Variants in STX1A observed in about 807,000 individuals in gnomAD.
The protein encoded by STX1A is syntaxin 1A.
Under a neutral mutation model 37.8 loss-of-function variants are expected in STX1A, and 4 were observed. The observed-to-expected ratio is 0.11, with a 90% CI of 0.05 to 0.24. The LOEUF (loss-of-function observed/expected upper bound fraction) is 0.24, where lower values mean the gene tolerates loss of function less well. STX1A is among the 10% of genes least tolerant of loss of function. The pLI is 1.00. For synonymous variants in STX1A, 135 were observed against 147.4 expected (o/e 0.92, Z 0.61); for missense variants, 251 against 399.9 (o/e 0.63, Z 3.18).
At chr7:73,713,098 T>C (rs782309858) in intron 1 of STX1A, among the ~76,000 whole-genome samples, 18 of 152,200 alleles carry the variant, frequency 1.2e-4, no homozygotes, top group Non-Finnish European at 2.1e-4. Flanking sequence ...TGAAGGACCT[T>C]CTTCCTGTTT....
In STX1A at chr7:73,711,822, C is replaced by T. The variant is rs183597020; in HGVS notation, c.31-2700G>A. ...AGACGAGCGTCACTGCCAGCCCCAC[C>T]GAACCCCTGTCCTGCCCTCAGAGAC... On this transcript the variant is annotated intron_variant, in intron 1 of 9. Transcript: ENST00000222812. 1.1e-4 allele frequency among the ~76,000 whole-genome samples: 17 copies of T among 152,228 alleles called. No homozygotes were observed. In the East Asian group the frequency reaches 1.7e-3, roughly 16 times the overall value.
rs1228548258 is a variant in STX1A at position 73,706,749 on chromosome 7, C to T, written c.209-1525G>A. Among the ~76,000 whole-genome samples, 3 of 152,192 alleles carry T rather than the reference C, an allele frequency of 2.0e-5. No homozygotes were observed. The highest frequency in any genetic ancestry group is 2.1e-4 in the South Asian group (1 of 4,832). ...CCGTCCCCACCCCACAATCAGCCAC[C>T]TCCTGACCCTGAGCAGGAACAGCCC... On this transcript the variant is annotated intron_variant, in intron 3 of 9. Coordinates refer to ENST00000222812, the MANE Select transcript of STX1A (RefSeq NM_004603.4). This position sits in a 1 kb window ranked among gnomAD's most constrained non-coding sequence, Gnocchi z 4.6.
At position 73,702,352 on chromosome 7, in the gene STX1A, C is replaced by T. The variant is rs143578276; in HGVS notation, c.678+493G>A. Reference sequence around the variant, plus strand: ...CTTGTCAGAGAGGCACCTTCCTGGACCTTCACCTCAGCTGCCAGTCTCTGG... The same window carrying T: ...CTTGTCAGAGAGGCACCTTCCTGGATCTTCACCTCAGCTGCCAGTCTCTGG... On this transcript the variant is annotated intron_variant, in intron 8 of 9. Transcript: ENST00000222812. The surrounding 1 kb of genome is among the most constrained non-coding windows in gnomAD (Gnocchi z 4.7). 6.6e-6 allele frequency among the ~76,000 whole-genome samples: 1 copy of T among 152,296 alleles called. No homozygotes were observed. Among genetic ancestry groups the T allele is most frequent in the East Asian group, 1.9e-4 (1 of 5,160 alleles).
rs1554615803 is a variant in STX1A at position 73,700,948 on chromosome 7, G to A, written c.679-108C>T. 4.5e-6 allele frequency: 7 copies of A among 1,546,356 alleles called. No individual in the cohort carries two copies. Among genetic ancestry groups the A allele is most frequent in the Non-Finnish European group, 3.5e-6 (4 of 1,151,178 alleles). On this transcript the variant is annotated intron_variant, in intron 8 of 9. Transcript: ENST00000222812. This position sits in a 1 kb window ranked among gnomAD's most constrained non-coding sequence, Gnocchi z 4.4. ...ACCCTGAGGCTAGAGACAAAAAGGG[G>A]GCGTGAGGAGGTTAGGGTACAGCTT...
At chr7:73,703,393 C>T (rs1208201893) in intron 7 of STX1A, 3 of 578,822 alleles carry the variant, frequency 5.2e-6, no homozygotes, top group Non-Finnish European at 6.5e-6. Flanking sequence ...AAGCCTGCCT[C>T]GAACACCTGT....
Position 73,699,562 on chromosome 7 carries a change from G to A in STX1A, c.*845C>T, listed in dbSNP as rs782444465. ...ACACGTGACACCCACGTGGCACATC[G>A]ATGGGAGGATGGCAAGGGCAGGATG... On this transcript the variant is annotated 3_prime_UTR_variant, in exon 10 of 10. Coordinates refer to ENST00000222812, the MANE Select transcript of STX1A (RefSeq NM_004603.4). 1 of 152,682 alleles carries A rather than the reference G, an allele frequency of 6.5e-6. No homozygotes were observed. The highest frequency in any genetic ancestry group is 6.5e-5 in the Admixed American group (1 of 15,286). 9.5% of individuals were successfully genotyped at this position (152,682 alleles called of 1,614,324 possible). A position where few individuals can be genotyped will look rare whatever the true frequency, so the allele number is the denominator to read the frequency against.
At position 73,705,592 on chromosome 7, in the gene STX1A, G is replaced by T. The variant is rs924073191; in HGVS notation, c.209-368C>A. ...TGATGCTTGCTGGAGTTGAAGGGGT[G>T]GGGGGGCGGTGTGGGCTCACCTGGT... On this transcript the variant is annotated intron_variant, in intron 3 of 9. Transcript: ENST00000222812. The surrounding 1 kb of genome is among the most constrained non-coding windows in gnomAD (Gnocchi z 5.2). 10 of 274,836 alleles carry T rather than the reference G, an allele frequency of 3.6e-5. No individual in the cohort carries two copies. The highest frequency in any genetic ancestry group is 7.1e-5 in the Non-Finnish European group (10 of 140,104). 17.0% of individuals were successfully genotyped at this position (274,836 alleles called of 1,614,324 possible).
At chr7:73,704,721 G>A in intron 4 of STX1A, 1 of 534,886 alleles carries the variant, frequency 1.9e-6, no homozygotes, top group Admixed American at 3.1e-5. Flanking sequence ...GCTCAGAAAG[G>A]CTGTGTACGA....
chr7:73,702,671 C>A lies in STX1A; in HGVS notation c.678+174G>T. The A allele has an allele frequency of 1.4e-6, 2 of 1,479,952 alleles. No homozygotes were observed. The highest frequency in any genetic ancestry group is 1.8e-6 in the Non-Finnish European group (2 of 1,111,144). 91.7% of individuals were successfully genotyped at this position (1,479,952 alleles called of 1,614,324 possible). On this transcript the variant is annotated intron_variant, in intron 8 of 9. Coordinates refer to ENST00000222812, the MANE Select transcript of STX1A (RefSeq NM_004603.4). The surrounding 1 kb of genome is among the most constrained non-coding windows in gnomAD (Gnocchi z 4.7). Reference sequence around the variant, plus strand: ...AGCTCAAGCAGAGCCATGCAGAGGACAGGGACCTTCGGGTCGGCAGGGCCC... The same window carrying A: ...AGCTCAAGCAGAGCCATGCAGAGGAAAGGGACCTTCGGGTCGGCAGGGCCC...
chr7:73,703,029 C>A, intron 7 of STX1A, 47 bp from the exon 8 acceptor site: 1 of 1,308,112 alleles, frequency 7.6e-7, no homozygotes, highest in Non-Finnish European at 1.0e-6. Flanking sequence ...TGCTGAGGGG[C>A]AGGGCAGAGG....
intron 3 of STX1A, among the ~76,000 whole-genome samples, chr7:73,708,294 A>T (rs1798957116): frequency 6.6e-6 from 1 of 151,962 alleles, no homozygotes. Context: ...AAAAAAGAAA[A>T]AAAAGGCCAG....
chr7:73,705,370 C>T lies in STX1A; in HGVS notation c.209-146G>A. 3.1e-6 allele frequency: 2 copies of T among 652,274 alleles called. No individual in the cohort carries two copies. Among genetic ancestry groups the T allele is most frequent in the Non-Finnish European group, 5.4e-6 (2 of 372,674 alleles). 40.4% of individuals were successfully genotyped at this position (652,274 alleles called of 1,614,324 possible). A position where few individuals can be genotyped will look rare whatever the true frequency, so the allele number is the denominator to read the frequency against. On this transcript the variant is annotated intron_variant, in intron 3 of 9. Coordinates refer to ENST00000222812, the MANE Select transcript of STX1A (RefSeq NM_004603.4). This position sits in a 1 kb window ranked among gnomAD's most constrained non-coding sequence, Gnocchi z 5.2. ...TTCCCCTGGCTAAGGCTCTGCCTGCCCGCCCCCCTCCCCCAATTCTGGGCC... is the reference window on the plus strand; with the variant it reads ...TTCCCCTGGCTAAGGCTCTGCCTGCTCGCCCCCCTCCCCCAATTCTGGGCC...
chr7:73,716,322 T>C (rs1459731940), intron 1 of STX1A, among the ~76,000 whole-genome samples: 4 of 152,226 alleles, frequency 2.6e-5, no homozygotes, highest in Non-Finnish European at 5.9e-5. Flanking sequence ...AGATTAAGGA[T>C]GAACCTGCCC....
chr7:73,707,152 A>G (rs1378548582), intron 3 of STX1A, among the ~76,000 whole-genome samples: 2 of 151,828 alleles, frequency 1.3e-5, no homozygotes, highest in Non-Finnish European at 2.9e-5. Context: ...TCCCTCAAAC[A>G]CCTGATGGCT....
chr7:73,704,386 G>T lies in STX1A; in HGVS notation c.321C>A (p.Asn107Lys). The T allele has an allele frequency of 1.2e-6, 2 of 1,614,176 alleles. No homozygotes were observed. Among genetic ancestry groups the T allele is most frequent in the South Asian group, 2.2e-5 (2 of 91,078 alleles). Reference sequence around the variant, plus strand: ...GGATCCTCAGGTCAGCGGAGGAGCGGTTCAGGCCTTCCTCTTGCTCGATGG... The same window carrying T: ...GGATCCTCAGGTCAGCGGAGGAGCGTTTCAGGCCTTCCTCTTGCTCGATGG... Reference protein sequence around the residue: ...EQSIEQEEGLNRSSADLRIRK... With the variant: ...EQSIEQEEGLKRSSADLRIRK... Residue 107 changes from asparagine (N) to lysine (K), a missense_variant, in exon 5 of 10, where the codon AAC becomes AAA. Around this residue, in one of 2 missense-constraint regions of STX1A, gnomAD observed 214 missense variants for 367.6 expected, o/e 0.58. Transcript: ENST00000222812.
chr7:73,705,214 C>T lies in STX1A; in HGVS notation c.219G>A (p.Glu73=). ...ASPNPDEKTK[E]ELEELMSDIK... is the part of the protein sequence containing the mutation. ...TGTCGGACATGAGTTCTTCCAGCTC[C>T]TCCTTCGTCTCTGGGGAGGTAGAAA... The change falls in exon 4 of 10, where the codon GAG becomes GAA. Residue 73 remains glutamate (E), a synonymous_variant. Coordinates refer to ENST00000222812, the MANE Select transcript of STX1A (RefSeq NM_004603.4). This position sits in a 1 kb window ranked among gnomAD's most constrained non-coding sequence, Gnocchi z 5.2. The T allele has an allele frequency of 6.2e-7, 1 of 1,614,130 alleles. No individual in the cohort carries two copies. Among genetic ancestry groups the T allele is most frequent in the Non-Finnish European group, 8.5e-7 (1 of 1,179,988 alleles).
chr7:73,710,929 T>C (rs1799079765), intron 1 of STX1A, among the ~76,000 whole-genome samples: 1 of 152,176 alleles, frequency 6.6e-6, no homozygotes, highest in Non-Finnish European at 1.5e-5. Flanking sequence ...CCTGGCTGCA[T>C]GGAGGGAGGG....
At position 73,709,177 on chromosome 7, in the gene STX1A, C is replaced by CA; in HGVS notation, c.31-56dup. 6.4e-7 allele frequency: 1 copy of CA among 1,550,394 alleles called. No homozygotes were observed. Among genetic ancestry groups the CA allele is most frequent in the South Asian group, 1.1e-5 (1 of 89,836 alleles). ...CGTATGTACAGGACCCACCTGTACACACGCAGGTGCCCAGGGTACAGCGCC... is the reference window on the plus strand; with the variant it reads ...CGTATGTACAGGACCCACCTGTACACAACGCAGGTGCCCAGGGTACAGCGCC... On this transcript the variant is annotated intron_variant, in intron 1 of 9. Transcript: ENST00000222812. This position sits in a 1 kb window ranked among gnomAD's most constrained non-coding sequence, Gnocchi z 4.2.
intron 1 of STX1A, among the ~76,000 whole-genome samples, chr7:73,716,980 C>T (rs578210487): frequency 6.6e-6 from 1 of 152,216 alleles, no homozygotes; most frequent in African/African-American, 2.4e-5. Flanking sequence ...ACTGCGACAG[C>T]ATTGAGGCCC....
Sources: gnomAD v4.1 joint callset for allele counts (sites outside exome capture counted in the v4.1 genomes callset) on GRCh38, gnomAD v4.1.1 for gene constraint, gnomAD v4.1.1 regional missense constraint, Gnocchi (gnomAD v3.1) non-coding constraint, MANE v1.5 for transcripts, NCBI Gene and HGNC (gene_info 2026-07-23, HGNC 2026-07-21) for gene names.